The following NPEPPS variants were observed in gnomAD, a reference collection of about 807,000 sequenced individuals.
The protein encoded by NPEPPS is aminopeptidase puromycin sensitive, also known as puromycin-sensitive aminopeptidase.
A neutral mutation model predicts 115.5 loss-of-function variants in NPEPPS; 14 were observed. That is an observed-to-expected ratio of 0.12 (90% confidence interval 0.08 to 0.19). The LOEUF (loss-of-function observed/expected upper bound fraction) is 0.19, where lower values mean the gene tolerates loss of function less well. NPEPPS is among the 10% of genes least tolerant of loss of function. The pLI, the probability that NPEPPS is intolerant of heterozygous loss-of-function variation, is 1.00. For synonymous variants in NPEPPS, 285 were observed against 390.6 expected, an observed-to-expected ratio of 0.73 and a Z score of 3.19; for missense variants, 523 against 1,110.8, an observed-to-expected ratio of 0.47 and a Z score of 7.52.
intron 2 of NPEPPS, among the ~76,000 whole-genome samples, 181 bp downstream of exon 2, chr17:47,546,174 C>G (rs755147120): frequency 6.6e-6 from 1 of 151,960 alleles, no homozygotes; most frequent in Non-Finnish European, 1.5e-5. Context: ...CGCCTGTAAT[C>G]GCAGCACTTT....
At chr17:47,559,772 T>TTTCTC in intron 2 of NPEPPS, 2 of 423,680 alleles carry the variant, frequency 4.7e-6, no homozygotes, top group Middle Eastern at 4.2e-4. Context: ...TGTCTTGTCT[T>TTTCTC]TTCTCTTCTA....
At chr17:47,565,201 A>G (rs1054578081) in intron 2 of NPEPPS, among the ~76,000 whole-genome samples, 14 of 152,180 alleles carry the variant, frequency 9.2e-5, no homozygotes, top group Non-Finnish European at 1.8e-4. Context: ...TCAAGTTGAT[A>G]GAACAGATCT....
At chr17:47,585,939 A>G (rs1912149120) in intron 6 of NPEPPS, 3 of 563,544 alleles carry the variant, frequency 5.3e-6, no homozygotes, top group Non-Finnish European at 9.5e-6. Flanking sequence ...ATATGTAGTT[A>G]TATTTTTCAT....
At chr17:47,537,554 G>A (rs1370901056) in intron 1 of NPEPPS, among the ~76,000 whole-genome samples, 2 of 151,910 alleles carry the variant, frequency 1.3e-5, no homozygotes, top group African/African-American at 4.8e-5. Context: ...TTAGCCGGGC[G>A]TGGTGGCACA....
intron 1 of NPEPPS, among the ~76,000 whole-genome samples, chr17:47,538,979 A>G (rs1486940144): frequency 2.6e-5 from 4 of 152,162 alleles, no homozygotes; most frequent in African/African-American, 9.7e-5. Flanking sequence ...CCAGATAAAC[A>G]AGCTTGTTTG....
chr17:47,578,704 T>A (rs1317715814), intron 3 of NPEPPS, among the ~76,000 whole-genome samples: 1 of 151,988 alleles, frequency 6.6e-6, no homozygotes, highest in Non-Finnish European at 1.5e-5. Flanking sequence ...TGAGGTGACT[T>A]GTAAGAATTT....
intron 10 of NPEPPS, 41 bp from the exon 11 acceptor site, chr17:47,591,915 A>G (rs1356816632): frequency 5.7e-6 from 4 of 704,918 alleles, no homozygotes; most frequent in East Asian, 5.4e-5. Flanking sequence ...ATTACAGGCT[A>G]TCTGCTTCCT....
At chr17:47,599,583 GTCACAGAAATGTTGTC>G in intron 13 of NPEPPS, 77 bp from the exon 14 acceptor site, 1 of 924,694 alleles carries the variant, frequency 1.1e-6, no homozygotes, top group East Asian at 2.6e-5. Context: ...TCCAGCATTT[GTCACAGAAATGTTGTC>G]TCCCTCCTCT....
At chr17:47,550,951 T>G (rs1567842351) in intron 2 of NPEPPS, among the ~76,000 whole-genome samples, 1 of 152,038 alleles carries the variant, frequency 6.6e-6, no homozygotes, top group South Asian at 2.1e-4. Context: ...TATAAGCAAA[T>G]TTGCTAGTAG....
At chr17:47,559,546 G>C in intron 2 of NPEPPS, 1 of 408,626 alleles carries the variant, frequency 2.4e-6, no homozygotes. Context: ...TAGTTTGCTA[G>C]TATCTAGGGG....
chr17:47,589,775 T>G (rs1912391325), intron 9 of NPEPPS, among the ~76,000 whole-genome samples: 1 of 152,224 alleles, frequency 6.6e-6, no homozygotes, highest in Non-Finnish European at 1.5e-5. Flanking sequence ...TTCACATAAT[T>G]TTTATATAAG....
chr17:47,586,453 G>C (rs1912185371), intron 8 of NPEPPS, 55 bp downstream of exon 8: 1 of 1,341,394 alleles, frequency 7.5e-7, no homozygotes, highest in Non-Finnish European at 1.0e-6. Context: ...GATTTCAAAA[G>C]GGCTTCCCTC....
intron 2 of NPEPPS, among the ~76,000 whole-genome samples, chr17:47,557,709 T>C (rs1910142958): frequency 6.7e-6 from 1 of 149,210 alleles, no homozygotes; most frequent in East Asian, 2.0e-4. Context: ...CTGTTGTTGC[T>C]TGCTGCTGCT....
chr17:47,553,096 G>A (rs1909763059), intron 2 of NPEPPS, among the ~76,000 whole-genome samples: 1 of 152,088 alleles, frequency 6.6e-6, no homozygotes, highest in Admixed American at 6.6e-5. Context: ...GCTGGGCACT[G>A]TAGCTCATGG....
At chr17:47,574,984 A>G (rs553981478) in intron 3 of NPEPPS, among the ~76,000 whole-genome samples, 236 of 152,374 alleles carry the variant, frequency 1.5e-3, no homozygotes, top group Non-Finnish European at 2.7e-3. Flanking sequence ...TGTCCAAGGT[A>G]ACATAGCTAG....
chr17:47,573,742 T>A (rs1203980087), intron 3 of NPEPPS, among the ~76,000 whole-genome samples: 1 of 152,174 alleles, frequency 6.6e-6, no homozygotes, highest in Non-Finnish European at 1.5e-5. Flanking sequence ...AAAAAATAGC[T>A]GTGTAAGCAA....
upstream of NPEPPS, among the ~76,000 whole-genome samples, chr17:47,529,121 T>C (rs530634064): frequency 6.6e-6 from 1 of 152,278 alleles, no homozygotes; most frequent in South Asian, 2.1e-4. Context: ...TACAACATAC[T>C]ACATTCAGTT....
At chr17:47,533,966 A>C (rs1195262411) in intron 1 of NPEPPS, among the ~76,000 whole-genome samples, 1 of 152,230 alleles carries the variant, frequency 6.6e-6, no homozygotes, top group Non-Finnish European at 1.5e-5. Context: ...TGGAAGGGTA[A>C]AAGAGGAATT....
intron 1 of NPEPPS, among the ~76,000 whole-genome samples, chr17:47,540,424 T>C (rs1160477872): frequency 6.6e-6 from 1 of 152,176 alleles, no homozygotes; most frequent in African/African-American, 2.4e-5. Context: ...ACAGCTAATA[T>C]TTACTAACAT....
Sources: gnomAD v4.1 joint callset for allele counts (sites outside exome capture counted in the v4.1 genomes callset) on GRCh38, gnomAD v4.1.1 for gene constraint, MANE v1.5 for transcripts, NCBI Gene and HGNC (gene_info 2026-07-23, HGNC 2026-07-21) for gene names.